Variants in SSBP2 observed in about 807,000 individuals in gnomAD.
The protein encoded by SSBP2 is single-stranded DNA-binding protein 2.
A neutral mutation model predicts 61.8 loss-of-function variants in SSBP2; 17 were observed. That is an observed-to-expected ratio of 0.28 (90% CI 0.19 to 0.41). The LOEUF is 0.41. SSBP2 is among the 10% of genes least tolerant of loss of function. The pLI is 1.00. For missense variants in SSBP2, 310 were observed against 458.7 expected (o/e 0.68, Z 2.96); for synonymous variants, 139 against 141.3 (o/e 0.98, Z 0.12).
intron 4 of SSBP2, among the ~76,000 whole-genome samples, chr5:81,526,445 C>T (rs902040291): frequency 2.0e-5 from 3 of 151,798 alleles, no homozygotes; most frequent in African/African-American, 7.3e-5. Flanking sequence ...AAACTTTCAT[C>T]CTGAAAGAGT....
At chr5:81,543,250 G>T (rs566872328) in intron 4 of SSBP2, among the ~76,000 whole-genome samples, 17 of 152,096 alleles carry the variant, frequency 1.1e-4, no homozygotes. Context: ...CCAGCCATGC[G>T]GAACTGTAAG....
chr5:81,612,051 T>C (rs35862056), intron 4 of SSBP2, among the ~76,000 whole-genome samples: 39,526 of 152,010 alleles, frequency 0.26, 5,377 homozygotes, highest in Non-Finnish European at 0.31. Flanking sequence ...CTTTTGGAGG[T>C]GACAGATAAG....
At chr5:81,433,331 C>T (rs1217322966) in intron 15 of SSBP2, among the ~76,000 whole-genome samples, 2 of 152,102 alleles carry the variant, frequency 1.3e-5, no homozygotes, top group Non-Finnish European at 2.9e-5. Context: ...CTCTCTGAAA[C>T]ATGTGCGGTG....
intron 4 of SSBP2, among the ~76,000 whole-genome samples, chr5:81,572,949 T>TCTGAG (rs1484833953): frequency 2.6e-5 from 4 of 152,320 alleles, no homozygotes; most frequent in African/African-American, 9.6e-5. Flanking sequence ...GATTCCAAGA[T>TCTGAG]CTGAGCAAAT....
At chr5:81,709,132 T>G (rs1581394500) in intron 1 of SSBP2, among the ~76,000 whole-genome samples, 1 of 151,944 alleles carries the variant, frequency 6.6e-6, no homozygotes, top group African/African-American at 2.4e-5. Context: ...AAAGCTGTAT[T>G]TGCAAAGGCT....
chr5:81,679,947 A>G (rs1418637449), intron 1 of SSBP2, among the ~76,000 whole-genome samples: 2 of 126,170 alleles, frequency 1.6e-5, no homozygotes, highest in East Asian at 1.9e-4. Flanking sequence ...TCAATAGAAT[A>G]AAAAGGTGGA....
intron 4 of SSBP2, among the ~76,000 whole-genome samples, chr5:81,557,992 GT>G (rs1322946723): frequency 1.3e-5 from 2 of 152,090 alleles, no homozygotes; most frequent in African/African-American, 2.4e-5. Context: ...CTTAAAAATT[GT>G]TTGAACCTTT....
At chr5:81,454,195 A>AG (rs914059944) in intron 10 of SSBP2, among the ~76,000 whole-genome samples, 61 of 152,292 alleles carry the variant, frequency 4.0e-4, no homozygotes, top group African/African-American at 1.4e-3. Context: ...AAGGGTTGAG[A>AG]GAAGTTTTGT....
At chr5:81,627,077 G>GA (rs1212553172) in intron 3 of SSBP2, among the ~76,000 whole-genome samples, 1 of 152,114 alleles carries the variant, frequency 6.6e-6, no homozygotes, top group African/African-American at 2.4e-5. Context: ...AAATATTATA[G>GA]AAAAAGTCTC....
At chr5:81,575,490 TA>T (rs1774145935) in intron 4 of SSBP2, among the ~76,000 whole-genome samples, 2 of 152,096 alleles carry the variant, frequency 1.3e-5, no homozygotes, top group Admixed American at 1.3e-4. Flanking sequence ...AGGATAGTGA[TA>T]TAATCTCTGG....
chr5:81,535,014 C>T (rs903239449), intron 4 of SSBP2, among the ~76,000 whole-genome samples: 5 of 151,810 alleles, frequency 3.3e-5, no homozygotes, highest in African/African-American at 1.2e-4. Flanking sequence ...TTAAAAATTA[C>T]ATCTGAATTA....
intron 1 of SSBP2, among the ~76,000 whole-genome samples, chr5:81,683,480 A>G (rs926098791): frequency 1.3e-5 from 2 of 152,230 alleles, no homozygotes; most frequent in Non-Finnish European, 2.9e-5. Flanking sequence ...AAAAAAATTA[A>G]CTAAAAATGG....
Position 81,635,104 on chromosome 5 carries a change from G to T in SSBP2, c.197+1453C>A, listed in dbSNP as rs545559839. ...TGAGAGAATGCAATAAACCTTCTAG[G>T]TTTGCATGGAGAAACAGGCTCAAAG... On this transcript the variant is annotated intron_variant, in intron 3 of 16. Transcript: ENST00000320672. 3.3e-5 allele frequency among the ~76,000 whole-genome samples: 5 copies of T among 152,140 alleles called. No homozygotes were observed. The South Asian group carries it at 1.0e-3, about 32-fold the overall frequency.
intron 4 of SSBP2, among the ~76,000 whole-genome samples, chr5:81,609,370 T>C (rs562012462): frequency 6.6e-6 from 1 of 152,218 alleles, no homozygotes; most frequent in Non-Finnish European, 1.5e-5. Flanking sequence ...CTAGTCATCA[T>C]TCAAAAGCCA....
chr5:81,615,432 A>G, intron 4 of SSBP2, 41 bp downstream of exon 4: 1 of 1,434,362 alleles, frequency 7.0e-7, no homozygotes, highest in Non-Finnish European at 9.8e-7. Flanking sequence ...GTTAAACAGA[A>G]AACTGACAGT....
intron 4 of SSBP2, among the ~76,000 whole-genome samples, chr5:81,578,733 C>T (rs1774419675): frequency 6.6e-6 from 1 of 151,206 alleles, no homozygotes; most frequent in South Asian, 2.1e-4. Context: ...AGTAGACTGA[C>T]AGCAAAAATG....
intron 4 of SSBP2, among the ~76,000 whole-genome samples, chr5:81,527,550 C>T (rs1770043430): frequency 6.6e-6 from 1 of 151,966 alleles, no homozygotes; most frequent in Non-Finnish European, 1.5e-5. Context: ...ATAAGTTAAT[C>T]TAGAATATGT....
intron 1 of SSBP2, among the ~76,000 whole-genome samples, chr5:81,682,031 T>C (rs988813983): frequency 2.6e-5 from 4 of 152,214 alleles, no homozygotes; most frequent in African/African-American, 9.6e-5. Flanking sequence ...ACCACCTGAA[T>C]AGGCCTATAC....
At chr5:81,654,144 T>C (rs1750009096) in intron 1 of SSBP2, among the ~76,000 whole-genome samples, 1 of 152,116 alleles carries the variant, frequency 6.6e-6, no homozygotes, top group African/African-American at 2.4e-5. Flanking sequence ...TTAATTTTTT[T>C]GGTAAAGACA....
Sources: allele counts gnomAD v4.1 joint callset (sites outside exome capture counted in the v4.1 genomes callset), GRCh38; gene constraint gnomAD v4.1.1; transcripts MANE v1.5; gene names NCBI Gene and HGNC (gene_info 2026-07-23, HGNC 2026-07-21).